MED12L: variants seen among roughly 807,000 people sequenced by gnomAD.
MED12L encodes the protein mediator of RNA polymerase II transcription subunit 12-like protein.
A neutral mutation model predicts 281.3 loss-of-function variants in MED12L; 60 were observed. The observed-to-expected ratio is 0.21, with a 90% CI of 0.17 to 0.26. The LOEUF is 0.26. Ranked by LOEUF, MED12L falls within the 10% of genes least tolerant of loss-of-function variation. MED12L has a pLI of 1.00. For missense variants in MED12L, 2,146 were observed against 2,680.9 expected (o/e 0.80, Z 4.41); for synonymous variants, 974 against 987.2 (o/e 0.99, Z 0.25).
chr3:151,318,808 C>A (rs889447964), intron 16 of MED12L, among the ~76,000 whole-genome samples: 1 of 152,108 alleles, frequency 6.6e-6, no homozygotes, highest in Non-Finnish European at 1.5e-5. Flanking sequence ...TGTGAGGGGC[C>A]TATGAAATTT....
At chr3:151,218,816 G>A (rs1344968704) in intron 16 of MED12L, among the ~76,000 whole-genome samples, 3 of 131,066 alleles carry the variant, frequency 2.3e-5, no homozygotes, top group Admixed American at 9.1e-5. Context: ...GCAGTGAGCC[G>A]AGATCCCACC....
chr3:151,219,424 T>A (rs959474166), intron 16 of MED12L: 1 of 152,216 alleles, frequency 6.6e-6, no homozygotes, highest in African/African-American at 2.4e-5. Context: ...ACCTTCCACC[T>A]TCCTAATTGT....
At chr3:151,239,451 G>A (rs7632738) in intron 16 of MED12L, among the ~76,000 whole-genome samples, 3,920 of 152,290 alleles carry the variant, frequency 0.026, 155 homozygotes, top group African/African-American at 0.09. Flanking sequence ...GGACATGGAA[G>A]TGGATATGAG....
intron 16 of MED12L, among the ~76,000 whole-genome samples, chr3:151,315,576 G>A (rs1303190461): frequency 6.6e-6 from 1 of 152,164 alleles, no homozygotes; most frequent in African/African-American, 2.4e-5. Context: ...TCAGAAACAA[G>A]AGTCTGAGGA....
chr3:151,093,117 G>T (rs1720277815), intron 2 of MED12L, among the ~76,000 whole-genome samples: 1 of 152,176 alleles, frequency 6.6e-6, no homozygotes, highest in African/African-American at 2.4e-5. Flanking sequence ...GCCAGCCTGG[G>T]CAACATAGTG....
intron 16 of MED12L, among the ~76,000 whole-genome samples, chr3:151,222,743 A>G (rs2149275029): frequency 6.6e-6 from 1 of 152,326 alleles, no homozygotes; most frequent in East Asian, 1.9e-4. Flanking sequence ...CTGCTGGTCC[A>G]TGTACCACTC....
intron 16 of MED12L, among the ~76,000 whole-genome samples, chr3:151,292,922 C>T (rs1744462431): frequency 6.6e-6 from 1 of 152,148 alleles, no homozygotes; most frequent in Non-Finnish European, 1.5e-5. Flanking sequence ...TTAATCTAGC[C>T]AGTGACACAC....
intron 5 of MED12L, among the ~76,000 whole-genome samples, chr3:151,144,832 C>T (rs1378725414): frequency 6.6e-6 from 1 of 152,180 alleles, no homozygotes; most frequent in African/African-American, 2.4e-5. Context: ...CCTCAGTGAC[C>T]TATTCACTGC....
At chr3:151,150,921 A>G (rs1718373339) in intron 5 of MED12L, among the ~76,000 whole-genome samples, 1 of 152,158 alleles carries the variant, frequency 6.6e-6, no homozygotes, top group South Asian at 2.1e-4. Context: ...GCTTTTGCCT[A>G]AAGGGCATGT....
rs1328438333 is a variant in MED12L at position 151,394,822 on chromosome 3, G to T, written c.5775G>T (p.Gln1925His). 2 of 1,614,188 alleles carry T rather than the reference G, an allele frequency of 1.2e-6. No homozygotes were observed. Among genetic ancestry groups the T allele is most frequent in the Non-Finnish European group, 1.7e-6 (2 of 1,180,040 alleles). Residue 1925 changes from glutamine (Q) to histidine (H), a missense_variant, in exon 39 of 45, where the codon CAG becomes CAT. By Grantham distance (24) the Gln-to-His change is conservative. Coordinates refer to ENST00000687756, the MANE Select transcript of MED12L (RefSeq NM_001393769.1). ...AGATGAAGCTTCTGCAGCAGCAGCA[G>T]CAACAGCGACTTCTCAGGCAAGCCC... ...LIQMKLLQQQ[Q>H]QQRLLRQAQT...
At chr3:151,355,777 CTTTCGTCAAAGTAGAATCATGTATAGA>C in intron 18 of MED12L, 92 bp from the exon 19 acceptor site, 1 of 799,184 alleles carries the variant, frequency 1.3e-6, no homozygotes, top group South Asian at 2.5e-5. Flanking sequence ...CACGTTTTGA[CTTTCGTCAAAGTAGAATCATGTATAGA>C]TTCAACTGTC....
intron 43 of MED12L, among the ~76,000 whole-genome samples, chr3:151,418,779 T>A (rs1717920471): frequency 6.6e-6 from 1 of 152,240 alleles, no homozygotes; most frequent in African/African-American, 2.4e-5. Context: ...CTTCACACAC[T>A]ACTGTTAGCA....
intron 3 of MED12L, among the ~76,000 whole-genome samples, chr3:151,118,845 A>G (rs1296965651): frequency 6.6e-6 from 1 of 151,700 alleles, no homozygotes; most frequent in African/African-American, 2.4e-5. Context: ...CCGCCTCCAC[A>G]CCTGGCTAAT....
intron 16 of MED12L, among the ~76,000 whole-genome samples, chr3:151,280,334 C>G (rs1306641711): frequency 2.0e-5 from 3 of 152,140 alleles, no homozygotes; most frequent in African/African-American, 7.2e-5. Context: ...ATGTACTGTT[C>G]TAAACACTCT....
chr3:151,409,093 A>C, intron 39 of MED12L, 150 bp from the exon 40 acceptor site: 3 of 605,374 alleles, frequency 5.0e-6, no homozygotes. Flanking sequence ...TAGGATATTG[A>C]TGAGAAATAA....
chr3:151,192,598 A>G lies in MED12L; in HGVS notation c.2017A>G (p.Ile673Val), dbSNP rs1296978058. ...HMGIDSGTTNIFDEVDKSDFK... is the reference protein window; with the variant it reads ...HMGIDSGTTNVFDEVDKSDFK... The stretch of plus-strand genomic sequence containing the variant: ...GGGCATTGACTCAGGAACCACTAAC[A>G]TTTTTGATGAAGTAGACAAGAGTGA... The change falls in exon 15 of 45, where the codon ATT becomes GTT. Residue 673 changes from isoleucine (I) to valine (V), a missense_variant. This residue lies in a region of MED12L where 722 missense variants were observed against 861.2 expected (regional missense o/e 0.84). Coordinates refer to ENST00000687756, the MANE Select transcript of MED12L (RefSeq NM_001393769.1). 12 of 1,536,298 alleles carry G rather than the reference A, an allele frequency of 7.8e-6. No individual in the cohort carries two copies. The African/African-American group carries it at 9.6e-5, about 12-fold the overall frequency.
chr3:151,328,166 AT>A (rs1242863646), intron 16 of MED12L: 4 of 1,613,166 alleles, frequency 2.5e-6, no homozygotes, highest in Admixed American at 3.3e-5. Flanking sequence ...TTCTTTAGCA[AT>A]AAACAGTTGA....
At chr3:151,256,362 A>G (rs1475245014) in intron 16 of MED12L, among the ~76,000 whole-genome samples, 1 of 152,098 alleles carries the variant, frequency 6.6e-6, no homozygotes, top group Admixed American at 6.6e-5. Flanking sequence ...GTAATAGGAG[A>G]TATTCTCATC....
At chr3:151,102,096 A>G (rs1406257720) in intron 2 of MED12L, among the ~76,000 whole-genome samples, 1 of 152,134 alleles carries the variant, frequency 6.6e-6, no homozygotes, top group East Asian at 1.9e-4. Context: ...TCAGACTCCC[A>G]CCCACCCTGT....
Sources: gnomAD v4.1 joint callset for allele counts (sites outside exome capture counted in the v4.1 genomes callset) on GRCh38, gnomAD v4.1.1 for gene constraint, gnomAD v4.1.1 regional missense constraint, MANE v1.5 for transcripts, NCBI Gene and HGNC (gene_info 2026-07-23, HGNC 2026-07-21) for gene names.